KLF8: variants seen among roughly 807,000 people sequenced by gnomAD.
KLF8 encodes KLF transcription factor 8, also known as Krueppel-like factor 8.
KLF8 carries 10 observed loss-of-function variants against 18.2 expected under a neutral mutation model. The observed-to-expected ratio is 0.55, with a 90% CI of 0.34 to 0.93. The LOEUF is 0.93. Ranked by LOEUF, KLF8 falls within the 40% of genes least tolerant of loss-of-function variation. The probability of loss-of-function intolerance (pLI) is 0.02; values close to 1 mark genes in which losing one functional copy is unlikely to be tolerated. For missense variants in KLF8, 264 were observed against 277.9 expected, an observed-to-expected ratio of 0.95 and a Z score of 0.36; for synonymous variants, 109 against 97.3, an observed-to-expected ratio of 1.12 and a Z score of -0.71.
chrX:56,048,560 G>T, the KLF8 span, among the ~76,000 whole-genome samples: 7 of 111,789 alleles, frequency 6.3e-5, no homozygotes, highest in Non-Finnish European at 1.1e-4. Context: ...TCAGGTTTGT[G>T]AAACATCAGA....
chrX:56,097,170 AATTC>A, the KLF8 span, among the ~76,000 whole-genome samples: 1 of 111,351 alleles, frequency 9.0e-6, no homozygotes, highest in Non-Finnish European at 1.9e-5. Context: ...CAATAAATGT[AATTC>A]ATCACATCTG....
chrX:55,988,022 T>C, the KLF8 span, among the ~76,000 whole-genome samples: 2 of 112,444 alleles, frequency 1.8e-5, no homozygotes, highest in Non-Finnish European at 3.8e-5. Flanking sequence ...TCTGTTCATA[T>C]CCTTTGCCCA....
At chrX:56,169,511 G>A in the KLF8 span, among the ~76,000 whole-genome samples, 13 of 110,655 alleles carry the variant, frequency 1.2e-4, no homozygotes, top group African/African-American at 3.9e-4. Flanking sequence ...GTCATAAGCT[G>A]ACTGAAGAGC....
chrX:56,139,701 C>G, the KLF8 span, among the ~76,000 whole-genome samples: 35 of 111,662 alleles, frequency 3.1e-4, no homozygotes, highest in Non-Finnish European at 6.0e-4. Context: ...AAGTGCTGTT[C>G]TGTACATAGG....
upstream of KLF8, among the ~76,000 whole-genome samples, chrX:56,231,443 T>C (rs1190033517): frequency 1.8e-5 from 2 of 112,057 alleles, no homozygotes; most frequent in Admixed American, 1.9e-4. Flanking sequence ...GGGGAAATGT[T>C]GAATGTAAAA....
chrX:55,960,964 C>A, the KLF8 span, among the ~76,000 whole-genome samples: 122 of 111,376 alleles, frequency 1.1e-3, no homozygotes, highest in Admixed American at 4.0e-3. Context: ...AAATGACACC[C>A]ATAGGTTCAA....
the KLF8 span, among the ~76,000 whole-genome samples, chrX:56,060,209 C>G: frequency 1.8e-5 from 2 of 111,831 alleles, no homozygotes; most frequent in Non-Finnish European, 3.8e-5. Flanking sequence ...CTGGCCGGAA[C>G]TTTCAATAAT....
the KLF8 span, among the ~76,000 whole-genome samples, chrX:55,944,469 T>A: frequency 9.1e-6 from 1 of 110,363 alleles, no homozygotes; most frequent in Non-Finnish European, 1.9e-5. Flanking sequence ...CCTGGACTCT[T>A]TTTGGTTGGT....
the KLF8 span, among the ~76,000 whole-genome samples, chrX:56,177,374 C>A: frequency 9.0e-6 from 1 of 111,136 alleles, no homozygotes; most frequent in Non-Finnish European, 1.9e-5. Flanking sequence ...CCACTTCAGA[C>A]CCTGTTTGCC....
the KLF8 span, among the ~76,000 whole-genome samples, chrX:56,136,106 A>C: frequency 3.6e-5 from 4 of 111,385 alleles, no homozygotes; most frequent in Admixed American, 9.6e-5. Context: ...AAAGAGGATA[A>C]AAACAAATGG....
the KLF8 span, among the ~76,000 whole-genome samples, chrX:55,912,879 C>T: frequency 2.7e-5 from 3 of 111,443 alleles, no homozygotes; most frequent in Non-Finnish European, 3.8e-5. Context: ...CTATTATTTT[C>T]CTCATTGTTC....
chrX:56,206,485 G>A, the KLF8 span, among the ~76,000 whole-genome samples: 7 of 111,990 alleles, frequency 6.3e-5, no homozygotes, highest in East Asian at 2.0e-3. Context: ...AAACAAATGG[G>A]CTACAGACCT....
chrX:56,191,168 C>T, the KLF8 span, among the ~76,000 whole-genome samples: 3 of 111,245 alleles, frequency 2.7e-5, no homozygotes, highest in Non-Finnish European at 5.7e-5. Flanking sequence ...TCATTAGTGG[C>T]TACTATGGGC....
At chrX:56,023,025 G>A in the KLF8 span, among the ~76,000 whole-genome samples, 1 of 111,461 alleles carries the variant, frequency 9.0e-6, no homozygotes, top group African/African-American at 3.3e-5. Flanking sequence ...AGCTTACAAA[G>A]AAAATATGGG....
the KLF8 span, among the ~76,000 whole-genome samples, chrX:56,106,035 G>T: frequency 1.8e-5 from 2 of 111,629 alleles, no homozygotes; most frequent in South Asian, 3.8e-4. Flanking sequence ...TAAGAATGTT[G>T]AATATTGGCC....
rs2066418129 is a variant in KLF8, at chrX:56,232,843, C to G, written c.-492C>G. 1 of 111,167 alleles carries G rather than the reference C, an allele frequency of 9.0e-6. No homozygotes were observed. The highest frequency in any genetic ancestry group is 3.4e-5 in the African/African-American group (1 of 29,440). The allele number at this position is 111,167 out of a possible 1,213,427, so 9.2% of individuals were successfully genotyped here. ...GGGTTGGGTTGGTTTTCATAGCCCC[C>G]ACCCCCGGCCCTCTCCTTTTAAAGG... On this transcript the variant is annotated 5_prime_UTR_variant, in exon 1 of 6. Transcript: ENST00000468660.
At chrX:55,990,313 T>C in the KLF8 span, among the ~76,000 whole-genome samples, 1 of 112,255 alleles carries the variant, frequency 8.9e-6, no homozygotes, top group Non-Finnish European at 1.9e-5. Flanking sequence ...TTTTAGATCT[T>C]TCCTGCTTTC....
chrX:55,960,568 AAGAAGG>A, the KLF8 span, among the ~76,000 whole-genome samples: 13 of 31,740 alleles, frequency 4.1e-4, no homozygotes, highest in East Asian at 4.2e-3. Flanking sequence ...AGGAGGAAAG[AAGAAGG>A]AGGAGGAGGA....
At chrX:56,139,047 C>T in the KLF8 span, among the ~76,000 whole-genome samples, 1 of 111,012 alleles carries the variant, frequency 9.0e-6, no homozygotes, top group African/African-American at 3.3e-5. Flanking sequence ...ATAAAAAATA[C>T]AATCCCATTC....
Sources: allele counts gnomAD v4.1 joint callset (sites outside exome capture counted in the v4.1 genomes callset), GRCh38; gene constraint gnomAD v4.1.1; transcripts MANE v1.5; gene names NCBI Gene and HGNC (gene_info 2026-07-23, HGNC 2026-07-21).